PCBP2: variants seen among roughly 807,000 people sequenced by gnomAD.
The protein encoded by PCBP2 is poly(rC)-binding protein 2.
Under a neutral mutation model 50.1 loss-of-function variants are expected in PCBP2, and 4 were observed. The observed-to-expected ratio is 0.08, with a 90% CI of 0.04 to 0.18. The LOEUF (loss-of-function observed/expected upper bound fraction) is 0.18, where lower values mean the gene tolerates loss of function less well. Among genes scored for constraint, PCBP2 ranks in the 10% least tolerant of loss-of-function variants. The probability of loss-of-function intolerance (pLI) is 1.00; values close to 1 mark genes in which losing one functional copy is unlikely to be tolerated. For missense variants in PCBP2, 161 were observed against 474.3 expected, an observed-to-expected ratio of 0.34 and a Z score of 6.14; for synonymous variants, 179 against 168.0, an observed-to-expected ratio of 1.07 and a Z score of -0.51.
At chr12:53,471,917 C>A in intron 14 of PCBP2, 110 bp downstream of exon 14, 1 of 803,324 alleles carries the variant, frequency 1.2e-6, no homozygotes, top group Non-Finnish European at 1.8e-6. Context: ...GTAAAGATGG[C>A]CAAAAGGTTT....
intron 6 of PCBP2, chr12:53,460,518 T>TTTGG (rs1218216994): frequency 4.8e-6 from 1 of 209,728 alleles, no homozygotes; most frequent in South Asian, 5.5e-5. Context: ...TGTTACTGAA[T>TTTGG]TTGGTGTTGG....
Position 53,464,755 on chromosome 12 carries a change from C to T in PCBP2, c.580-5C>T, listed in dbSNP as rs756495877. On this transcript the variant is annotated splice_polypyrimidine_tract_variant and splice_region_variant and intron_variant, in intron 8 of 14. Transcript: ENST00000546463. ...TGGAGACTGAAATCCTCTATTTATCCACAGGACAGGTACAGCACAGGCAGC... is the reference window on the plus strand; with the variant it reads ...TGGAGACTGAAATCCTCTATTTATCTACAGGACAGGTACAGCACAGGCAGC... 20 of 1,612,018 alleles carry T rather than the reference C, an allele frequency of 1.2e-5. No individual in the cohort carries two copies. Among genetic ancestry groups the T allele is most frequent in the Non-Finnish European group, 1.5e-5 (18 of 1,179,114 alleles).
intron 9 of PCBP2, among the ~76,000 whole-genome samples, chr12:53,465,298 G>A (rs776898760): frequency 1.3e-5 from 2 of 151,834 alleles, no homozygotes; most frequent in African/African-American, 4.8e-5. Context: ...GTTATGTTGT[G>A]GGGGGGAGGA....
At chr12:53,461,842 G>A (rs1472674907) in intron 7 of PCBP2, among the ~76,000 whole-genome samples, 3 of 152,014 alleles carry the variant, frequency 2.0e-5, no homozygotes, top group African/African-American at 7.3e-5. Flanking sequence ...CCAGTAGCTT[G>A]GTCTACAGGC....
At chr12:53,473,806 A>T (rs372646767) in intron 14 of PCBP2, among the ~76,000 whole-genome samples, 2 of 149,076 alleles carry the variant, frequency 1.3e-5, no homozygotes, top group East Asian at 3.9e-4. Context: ...GTCAAGAAGG[A>T]TTTTACTGGA....
intron 1 of PCBP2, among the ~76,000 whole-genome samples, chr12:53,453,485 C>T (rs996103921): frequency 6.6e-6 from 1 of 152,308 alleles, no homozygotes; most frequent in East Asian, 1.9e-4. Flanking sequence ...TAATCACTTA[C>T]ATTCTTGGAG....
chr12:53,474,206 T>A (rs1160559893), intron 14 of PCBP2, among the ~76,000 whole-genome samples: 2 of 152,212 alleles, frequency 1.3e-5, no homozygotes, highest in Non-Finnish European at 2.9e-5. Context: ...CAGAAACAAC[T>A]TTTTATACCA....
intron 6 of PCBP2, chr12:53,459,699 T>C (rs1012517426): frequency 1.9e-5 from 5 of 257,540 alleles, no homozygotes; most frequent in South Asian, 1.5e-4. Context: ...TTCTTTTTCA[T>C]GTCTCAAGGG....
chr12:53,457,468 A>G (rs1941115738), intron 5 of PCBP2, among the ~76,000 whole-genome samples: 1 of 151,814 alleles, frequency 6.6e-6, no homozygotes, highest in Non-Finnish European at 1.5e-5. Flanking sequence ...ACCTAAGCCT[A>G]CCCAGTAGGT....
chr12:53,477,448 G>A lies in PCBP2; in HGVS notation c.1053-1958G>A, dbSNP rs527305368. Among the ~76,000 whole-genome samples, 4 of 151,860 alleles carry A rather than the reference G, an allele frequency of 2.6e-5. No homozygotes were observed. The South Asian group carries it at 8.4e-4, about 32-fold the overall frequency. On this transcript the variant is annotated intron_variant, in intron 14 of 14. Transcript: ENST00000546463. ...TGGGAGGCCGAGGCGGGTGGATCAC[G>A]AGGTCAGGAGATCAAGACCATCCTG...
intron 6 of PCBP2, 80 bp from the exon 7 acceptor site, chr12:53,460,935 A>G: frequency 6.8e-7 from 1 of 1,476,978 alleles, no homozygotes; most frequent in Non-Finnish European, 9.4e-7. Flanking sequence ...CTAGAGTTTT[A>G]GGCTCTGAAA....
chr12:53,479,886 C>T lies in PCBP2; in HGVS notation c.*444C>T, dbSNP rs1411562252. 6.5e-6 allele frequency: 1 copy of T among 153,088 alleles called. No homozygotes were observed. Among genetic ancestry groups the T allele is most frequent in the African/African-American group, 2.4e-5 (1 of 41,388 alleles). 9.5% of individuals were successfully genotyped at this position (153,088 alleles called of 1,614,324 possible). The stretch of plus-strand genomic sequence containing the variant: ...TGCTGTTATTTTTGTACCTTTTATC[C>T]CTCAAAGGACCCTTCTTGGGTTTTG... On this transcript the variant is annotated 3_prime_UTR_variant, in exon 15 of 15. Transcript: ENST00000546463.
intron 1 of PCBP2, 109 bp downstream of exon 1, chr12:53,452,485 C>T (rs1425143229): frequency 6.6e-6 from 1 of 151,302 alleles, no homozygotes; most frequent in African/African-American, 2.4e-5. Flanking sequence ...TCGCGTAGTC[C>T]CGCGTGAGCG....
intron 14 of PCBP2, among the ~76,000 whole-genome samples, chr12:53,473,335 G>GGC (rs1209054449): frequency 6.7e-6 from 1 of 150,336 alleles, no homozygotes; most frequent in African/African-American, 2.5e-5. Context: ...CACCTGCCTC[G>GGC]GCCTCCCAAA....
At position 53,467,307 on chromosome 12, in the gene PCBP2, A is replaced by G. The variant is rs376160513; in HGVS notation, c.787+14A>G. ...CCGGATTCAGTGGTATGGATACCTCAGTGTTTATTTCTGTAAGGTGTAGTG... is the reference window on the plus strand; with the variant it reads ...CCGGATTCAGTGGTATGGATACCTCGGTGTTTATTTCTGTAAGGTGTAGTG... On this transcript the variant is annotated intron_variant, in intron 11 of 14. Transcript: ENST00000546463. 1.1e-4 allele frequency: 178 copies of G among 1,602,452 alleles called. No homozygotes were observed. Among genetic ancestry groups the G allele is most frequent in the Non-Finnish European group, 1.4e-4 (163 of 1,169,518 alleles).
At chr12:53,470,338 C>T (rs1055197767) in intron 13 of PCBP2, among the ~76,000 whole-genome samples, 23 of 138,154 alleles carry the variant, frequency 1.7e-4, no homozygotes, top group Non-Finnish European at 3.2e-4. Context: ...GATCGTGCCA[C>T]TGCACTCCAG....
At chr12:53,476,498 A>G (rs968636761) in intron 14 of PCBP2, among the ~76,000 whole-genome samples, 2 of 152,208 alleles carry the variant, frequency 1.3e-5, no homozygotes, top group East Asian at 3.8e-4. Flanking sequence ...AAATGTTCTT[A>G]GTATGGTGGT....
At chr12:53,467,712 GT>G (rs1941917518) in intron 11 of PCBP2, 92 bp from the exon 12 acceptor site, 2 of 987,238 alleles carry the variant, frequency 2.0e-6, no homozygotes, top group African/African-American at 3.3e-5. Flanking sequence ...TTTTTATTTT[GT>G]TTCGTTTTTG....
rs1377825921 is a variant in PCBP2, at chr12:53,470,155, G to T, written c.882+1323G>T. ...ATCCCAGCACTTGTGGGAGGCTGAGGCAAGTGGGTCACGAGGTCAGGAGAC... is the reference window on the plus strand; with the variant it reads ...ATCCCAGCACTTGTGGGAGGCTGAGTCAAGTGGGTCACGAGGTCAGGAGAC... On this transcript the variant is annotated intron_variant, in intron 13 of 14. Transcript: ENST00000546463. 2.6e-5 allele frequency among the ~76,000 whole-genome samples: 4 copies of T among 151,944 alleles called. No homozygotes were observed. In the East Asian group the frequency reaches 7.8e-4, roughly 30 times the overall value.
Sources: gnomAD v4.1 joint callset for allele counts (sites outside exome capture counted in the v4.1 genomes callset) on GRCh38, gnomAD v4.1.1 for gene constraint, MANE v1.5 for transcripts, NCBI Gene and HGNC (gene_info 2026-07-23, HGNC 2026-07-21) for gene names.